Variants in GPC5 observed in about 807,000 individuals in gnomAD.
The protein encoded by GPC5 is glypican 5, also known as glypican-5.
Under a neutral mutation model 53.9 loss-of-function variants are expected in GPC5, and 47 were observed. The ratio of observed to expected loss-of-function variants is 0.87; its 90% confidence interval spans 0.69 to 1.11. GPC5 has a LOEUF of 1.11. Ranked by LOEUF, GPC5 falls within the 50% of genes most tolerant of loss-of-function variation. The probability of loss-of-function intolerance (pLI) is 0.00; values close to 1 mark genes in which losing one functional copy is unlikely to be tolerated. For synonymous variants in GPC5, 286 were observed against 263.3 expected (o/e 1.09, Z -0.84); for missense variants, 748 against 713.1 (o/e 1.05, Z -0.56).
intron 7 of GPC5, among the ~76,000 whole-genome samples, chr13:92,523,701 A>T (rs942022836): frequency 6.6e-6 from 1 of 152,044 alleles, no homozygotes; most frequent in Non-Finnish European, 1.5e-5. Context: ...AAATCAACCA[A>T]CCACATTTCA....
At chr13:91,613,763 C>T (rs146060460) in intron 2 of GPC5, among the ~76,000 whole-genome samples, 2 of 151,886 alleles carry the variant, frequency 1.3e-5, no homozygotes, top group Non-Finnish European at 2.9e-5. Context: ...TAAGGAATTG[C>T]GATAGATGGA....
At chr13:91,430,147 G>T (rs1317511148) in intron 1 of GPC5, among the ~76,000 whole-genome samples, 19 of 152,154 alleles carry the variant, frequency 1.2e-4, no homozygotes, top group Admixed American at 1.2e-3. Context: ...GTACCATACT[G>T]GATATGTGGC....
At chr13:91,444,158 G>C (rs1183767842) in intron 1 of GPC5, among the ~76,000 whole-genome samples, 2 of 151,878 alleles carry the variant, frequency 1.3e-5, no homozygotes, top group African/African-American at 4.8e-5. Flanking sequence ...CATTACGTTT[G>C]TGTGATTGGC....
At chr13:92,848,967 T>C (rs530429280) in intron 7 of GPC5, among the ~76,000 whole-genome samples, 2 of 152,192 alleles carry the variant, frequency 1.3e-5, no homozygotes, top group East Asian at 3.9e-4. Flanking sequence ...AGTCAGGTGA[T>C]CCTGTAATAT....
At chr13:92,571,331 C>T (rs745582976) in intron 7 of GPC5, among the ~76,000 whole-genome samples, 12 of 152,106 alleles carry the variant, frequency 7.9e-5, no homozygotes, top group Admixed American at 2.6e-4. Context: ...TTGAGGCTTA[C>T]GACTTGGGGT....
At chr13:92,203,546 A>G (rs1426808048) in intron 7 of GPC5, among the ~76,000 whole-genome samples, 1 of 139,448 alleles carries the variant, frequency 7.2e-6, no homozygotes. Context: ...TAGATGACAC[A>G]TTAGTGGGTG....
intron 7 of GPC5, among the ~76,000 whole-genome samples, chr13:92,345,741 A>T (rs1326809499): frequency 6.6e-6 from 1 of 152,076 alleles, no homozygotes. Context: ...GAGGCATCCA[A>T]TCTTCCCTAG....
At chr13:91,893,658 G>A (rs1429164717) in intron 5 of GPC5, among the ~76,000 whole-genome samples, 2 of 152,088 alleles carry the variant, frequency 1.3e-5, no homozygotes, top group Admixed American at 6.6e-5. Context: ...AATAGGACCT[G>A]TTTACATGAC....
At chr13:91,995,541 A>G (rs1483630056) in intron 6 of GPC5, 1 of 152,154 alleles carries the variant, frequency 6.6e-6, no homozygotes, top group African/African-American at 2.4e-5. Context: ...AAACGGGGAA[A>G]ATAATAGCAC....
intron 7 of GPC5, among the ~76,000 whole-genome samples, chr13:92,718,120 G>GC (rs1888390001): frequency 6.6e-6 from 1 of 152,134 alleles, no homozygotes; most frequent in Non-Finnish European, 1.5e-5. Context: ...AATTAGCACA[G>GC]CTACTATGGA....
intron 7 of GPC5, among the ~76,000 whole-genome samples, chr13:92,560,857 A>ATGTGTGTGTGTGTGTGTGTG (rs34114433): frequency 7.2e-5 from 10 of 139,254 alleles, no homozygotes; most frequent in Non-Finnish European, 1.2e-4. Context: ...AGAAAATTAT[A>ATGTGTGTGTGTGTGTGTGTG]TGTGTGTGTG....
chr13:92,663,808 TACACACTATATATATATAC>T (rs1324979685), intron 7 of GPC5, among the ~76,000 whole-genome samples: 208 of 130,940 alleles, frequency 1.6e-3, no homozygotes, highest in Non-Finnish European at 2.4e-3. Context: ...ACTATATATA[TACACACTATATATATATAC>T]ACACACTATA....
chr13:92,182,885 A>G lies in GPC5; in HGVS notation c.1561+37896A>G, dbSNP rs866317993. ...CTCCGTCTCAAAAAAAGAAAAAAAA[A>G]AAAAAGTAAACATTTTAACACCTAC... On this transcript the variant is annotated intron_variant, in intron 7 of 7. Coordinates refer to ENST00000377067, the MANE Select transcript of GPC5 (RefSeq NM_004466.6). Among the ~76,000 whole-genome samples, 20 of 145,468 alleles carry G rather than the reference A, an allele frequency of 1.4e-4. 1 individual carries two copies. Among genetic ancestry groups the G allele is most frequent in the Middle Eastern group, 6.9e-3 (2 of 288 alleles).
chr13:91,508,230 A>G (rs1316559425), intron 2 of GPC5, among the ~76,000 whole-genome samples: 2 of 152,238 alleles, frequency 1.3e-5, no homozygotes, highest in African/African-American at 2.4e-5. Flanking sequence ...ATAACGTAGT[A>G]TGAATTAGAT....
chr13:92,811,023 CA>C (rs1285743328), intron 7 of GPC5, among the ~76,000 whole-genome samples: 2 of 151,926 alleles, frequency 1.3e-5, no homozygotes, highest in East Asian at 3.9e-4. Context: ...CCCAGCCCAG[CA>C]TAATGTTTTT....
chr13:92,759,069 C>A (rs1395186629), intron 7 of GPC5, among the ~76,000 whole-genome samples: 2 of 116,688 alleles, frequency 1.7e-5, no homozygotes, highest in Admixed American at 1.2e-4. Context: ...TGGACTATTT[C>A]CGGACTTTCT....
chr13:92,298,244 C>T (rs924792184), intron 7 of GPC5, among the ~76,000 whole-genome samples: 1 of 152,160 alleles, frequency 6.6e-6, no homozygotes, highest in African/African-American at 2.4e-5. Context: ...CCTAGGCTCC[C>T]CGCCTCCCAG....
At chr13:92,018,053 C>A (rs531270818) in intron 6 of GPC5, among the ~76,000 whole-genome samples, 4 of 151,964 alleles carry the variant, frequency 2.6e-5, no homozygotes, top group Non-Finnish European at 5.9e-5. Flanking sequence ...CACAAAACAC[C>A]TGGGCCTTTA....
chr13:92,124,367 G>A lies in GPC5; in HGVS notation c.1402-20463G>A, dbSNP rs181472834. 7.3e-5 allele frequency among the ~76,000 whole-genome samples: 11 copies of A among 151,696 alleles called. No homozygotes were observed. In the East Asian group the frequency reaches 1.4e-3, roughly 19 times the overall value. On this transcript the variant is annotated intron_variant, in intron 6 of 7. Coordinates refer to ENST00000377067, the MANE Select transcript of GPC5 (RefSeq NM_004466.6). Reference sequence around the variant, plus strand: ...CTGTTTTGAGCAGGGAAGTCACACCGTGCAGGAGGACTCCATGGTAGAAAC... The same window carrying A: ...CTGTTTTGAGCAGGGAAGTCACACCATGCAGGAGGACTCCATGGTAGAAAC...
Sources: allele counts gnomAD v4.1 joint callset (sites outside exome capture counted in the v4.1 genomes callset), GRCh38; gene constraint gnomAD v4.1.1; transcripts MANE v1.5; gene names NCBI Gene and HGNC (gene_info 2026-07-23, HGNC 2026-07-21).